Variants in CCNJL observed in about 807,000 individuals in gnomAD.
The protein encoded by CCNJL is cyclin J like, also known as cyclin-J-like protein.
A neutral mutation model predicts 33.4 loss-of-function variants in CCNJL; 33 were observed. The ratio of observed to expected loss-of-function variants is 0.99; its 90% CI spans 0.75 to 1.32. The LOEUF (loss-of-function observed/expected upper bound fraction) is 1.32, where lower values mean the gene tolerates loss of function less well. CCNJL is among the 40% of genes most tolerant of loss of function. The pLI, the probability that CCNJL is intolerant of heterozygous loss-of-function variation, is 0.00. For missense variants in CCNJL, 512 were observed against 499.7 expected, an observed-to-expected ratio of 1.02 and a Z score of -0.23; for synonymous variants, 227 against 220.9, an observed-to-expected ratio of 1.03 and a Z score of -0.24.
chr5:160,260,281 T>C (rs1391343096), intron 3 of CCNJL, among the ~76,000 whole-genome samples: 1 of 152,148 alleles, frequency 6.6e-6, no homozygotes, highest in Non-Finnish European at 1.5e-5. Flanking sequence ...CCCGCTATCC[T>C]GGCTATTGAG....
chr5:160,330,494 G>T (rs1385016689), intron 1 of CCNJL, among the ~76,000 whole-genome samples: 1 of 151,942 alleles, frequency 6.6e-6, no homozygotes, highest in East Asian at 1.9e-4. Context: ...TCTCCTCTCG[G>T]CTCCCCCTTG....
chr5:160,289,662 A>G (rs1228687280), intron 2 of CCNJL, among the ~76,000 whole-genome samples: 7 of 152,038 alleles, frequency 4.6e-5, no homozygotes, highest in Non-Finnish European at 8.8e-5. Context: ...GTGCCCCGGA[A>G]AAGGCCAAGG....
chr5:160,335,700 T>G (rs1312115083), intron 1 of CCNJL, among the ~76,000 whole-genome samples: 1 of 152,070 alleles, frequency 6.6e-6, no homozygotes, highest in African/African-American at 2.4e-5. Flanking sequence ...GCCTCTCAGA[T>G]AGCTGGGACT....
chr5:160,320,169 A>G (rs1763422682), intron 1 of CCNJL, among the ~76,000 whole-genome samples: 1 of 152,190 alleles, frequency 6.6e-6, no homozygotes, highest in African/African-American at 2.4e-5. Flanking sequence ...GTATGACATG[A>G]AGAATCATGA....
chr5:160,288,821 A>G (rs1462592933), intron 2 of CCNJL, among the ~76,000 whole-genome samples: 2 of 136,714 alleles, frequency 1.5e-5, no homozygotes, highest in Non-Finnish European at 3.1e-5. Flanking sequence ...ACAGAGCGAG[A>G]CTCTGTCTAA....
Position 160,262,959 on chromosome 5 carries a change from C to A in CCNJL, c.281-3188G>T, listed in dbSNP as rs568101367. On this transcript the variant is annotated intron_variant, in intron 3 of 5. Coordinates refer to ENST00000257536, the MANE Select transcript of CCNJL (RefSeq NM_001308173.3). Reference sequence around the variant, plus strand: ...GATGCCTAGAAGACTTCAGGCGAGTCCCCTGGGAGAGGCTGGGAACAGAAT... The same window carrying A: ...GATGCCTAGAAGACTTCAGGCGAGTACCCTGGGAGAGGCTGGGAACAGAAT... Among the ~76,000 whole-genome samples, 5 of 152,326 alleles carry A rather than the reference C, an allele frequency of 3.3e-5. No individual in the cohort carries two copies. In the South Asian group the frequency reaches 8.3e-4, roughly 25 times the overall value.
At chr5:160,283,173 A>T (rs974495817) in intron 2 of CCNJL, among the ~76,000 whole-genome samples, 1 of 151,682 alleles carries the variant, frequency 6.6e-6, no homozygotes, top group African/African-American at 2.4e-5. Context: ...TATCCATACA[A>T]CAGAATATTA....
intron 1 of CCNJL, among the ~76,000 whole-genome samples, chr5:160,319,230 C>T (rs1198374855): frequency 6.6e-6 from 1 of 152,158 alleles, no homozygotes; most frequent in Non-Finnish European, 1.5e-5. Context: ...ATCCTCCTGC[C>T]TCAGCCTTTT....
Position 160,312,564 on chromosome 5 carries a change from C to G in CCNJL, c.-250G>C, listed in dbSNP as rs992653589. ...GGTCCCGCCGCGGCTCGCAGGCTCC[C>G]GGCCGCCGGGGGCCTCCCTCCCTCG... On this transcript the variant is annotated 5_prime_UTR_variant, in exon 1 of 6. Transcript: ENST00000257536. 2.0e-5 allele frequency: 3 copies of G among 151,558 alleles called. No homozygotes were observed. Among genetic ancestry groups the G allele is most frequent in the Non-Finnish European group, 4.4e-5 (3 of 67,842 alleles). 9.4% of individuals were successfully genotyped at this position (151,558 alleles called of 1,614,324 possible).
rs757635384 is a variant in CCNJL at position 160,251,916 on chromosome 5, G to A, written c.*1462C>T. 4.6e-5 allele frequency: 7 copies of A among 152,216 alleles called. No individual in the cohort carries two copies. The highest frequency in any genetic ancestry group is 1.0e-4 in the Non-Finnish European group (7 of 68,032). 9.4% of individuals were successfully genotyped at this position (152,216 alleles called of 1,614,324 possible). A position where few individuals can be genotyped will look rare whatever the true frequency, so the allele number is the denominator to read the frequency against. On this transcript the variant is annotated 3_prime_UTR_variant, in exon 6 of 6. Transcript: ENST00000257536. ...TCTCTTTTCTTACTGTCTCCATGCT[G>A]AGATTTTCAGCTGCTCTGGAAAGAT...
chr5:160,303,747 A>G (rs1470000823), intron 2 of CCNJL, among the ~76,000 whole-genome samples: 10 of 138,236 alleles, frequency 7.2e-5, no homozygotes, highest in Admixed American at 5.2e-4. Context: ...TGTGTGTGTA[A>G]TAACTCAAAA....
At chr5:160,329,353 T>TC (rs1763578675) in intron 1 of CCNJL, among the ~76,000 whole-genome samples, 1 of 148,858 alleles carries the variant, frequency 6.7e-6, no homozygotes, top group African/African-American at 2.5e-5. Flanking sequence ...AAGTCTTCTT[T>TC]TTTTTTTTTT....
chr5:160,317,633 G>A (rs748417666), upstream of CCNJL, among the ~76,000 whole-genome samples: 4 of 152,324 alleles, frequency 2.6e-5, no homozygotes, highest in South Asian at 8.3e-4. Flanking sequence ...GTACAAGTGG[G>A]CATGGGGTGG....
intron 4 of CCNJL, 146 bp downstream of exon 4, chr5:160,259,323 G>C (rs1018487607): frequency 3.0e-6 from 2 of 663,278 alleles, no homozygotes; most frequent in African/African-American, 3.6e-5. Context: ...TTTGCTTACT[G>C]CCTGCAAAGT....
At chr5:160,274,594 C>T (rs1761948035) in intron 3 of CCNJL, among the ~76,000 whole-genome samples, 1 of 152,234 alleles carries the variant, frequency 6.6e-6, no homozygotes, top group African/African-American at 2.4e-5. Context: ...TCCCACCCCC[C>T]TGAAAGAAAG....
intron 2 of CCNJL, among the ~76,000 whole-genome samples, chr5:160,292,643 GTATATATATGTAACA>G (rs886545802): frequency 2.0e-5 from 3 of 151,466 alleles, no homozygotes; most frequent in African/African-American, 7.3e-5. Context: ...ATGTGTGTGT[GTATATATATGTAACA>G]TGTGTGTGTA....
At chr5:160,260,091 C>CAAGCCTCTGGAACACA (rs1428096770) in intron 3 of CCNJL, among the ~76,000 whole-genome samples, 6 of 152,222 alleles carry the variant, frequency 3.9e-5, no homozygotes, top group African/African-American at 1.4e-4. Flanking sequence ...AATGCTCAGA[C>CAAGCCTCTGGAACACA]AAGCCTCTGG....
chr5:160,330,836 G>T (rs1240740814), intron 1 of CCNJL, among the ~76,000 whole-genome samples: 1 of 151,942 alleles, frequency 6.6e-6, no homozygotes, highest in Admixed American at 6.6e-5. Context: ...GCTAATTTTT[G>T]TATTTTTAGT....
At chr5:160,311,279 A>C (rs1763253020) in intron 2 of CCNJL, among the ~76,000 whole-genome samples, 1 of 152,102 alleles carries the variant, frequency 6.6e-6, no homozygotes, top group Non-Finnish European at 1.5e-5. Flanking sequence ...AGCCTCTTTC[A>C]ATTATACAGG....
Sources: gnomAD v4.1 joint callset for allele counts (sites outside exome capture counted in the v4.1 genomes callset) on GRCh38, gnomAD v4.1.1 for gene constraint, MANE v1.5 for transcripts, NCBI Gene and HGNC (gene_info 2026-07-23, HGNC 2026-07-21) for gene names.